Variants in MVB12B observed in about 807,000 individuals in gnomAD.
The protein encoded by MVB12B is multivesicular body subunit 12B, also known as ESCRT-I complex subunit MVB12B.
MVB12B carries 16 observed loss-of-function variants against 41.6 expected under a neutral mutation model. That is an observed-to-expected ratio of 0.38 (90% CI 0.26 to 0.58). The LOEUF (loss-of-function observed/expected upper bound fraction) is 0.58, where lower values mean the gene tolerates loss of function less well. Among genes scored for constraint, MVB12B ranks in the 20% least tolerant of loss-of-function variants. The pLI, the probability that MVB12B is intolerant of heterozygous loss-of-function variation, is 0.62. For synonymous variants in MVB12B, 133 were observed against 139.7 expected (o/e 0.95, Z 0.34); for missense variants, 274 against 380.2 (o/e 0.72, Z 2.32).
At chr9:126,370,353 C>T (rs1588114673) in intron 2 of MVB12B, among the ~76,000 whole-genome samples, 1 of 145,210 alleles carries the variant, frequency 6.9e-6, no homozygotes, top group Non-Finnish European at 1.5e-5. Flanking sequence ...TGGGTGATGT[C>T]TTTTTCTTAT....
chr9:126,332,428 A>G (rs1418891393), intron 1 of MVB12B, among the ~76,000 whole-genome samples: 2 of 152,180 alleles, frequency 1.3e-5, no homozygotes, highest in East Asian at 3.9e-4. Context: ...TGCTTCTACA[A>G]GCTCTCCGGG....
At chr9:126,464,913 G>A (rs12352000) in intron 7 of MVB12B, among the ~76,000 whole-genome samples, 31,937 of 152,120 alleles carry the variant, frequency 0.21, 4,026 homozygotes, top group Non-Finnish European at 0.28. Context: ...GTTTATACGA[G>A]AACACCTGTT....
intron 7 of MVB12B, among the ~76,000 whole-genome samples, chr9:126,423,762 A>G (rs1369739028): frequency 6.6e-6 from 1 of 152,194 alleles, no homozygotes. Context: ...CCGCCCACCC[A>G]CTGGCAGCCT....
At chr9:126,399,942 C>T (rs1426603576) in intron 6 of MVB12B, among the ~76,000 whole-genome samples, 2 of 152,168 alleles carry the variant, frequency 1.3e-5, no homozygotes, top group Non-Finnish European at 2.9e-5. Flanking sequence ...AGAGGGCCCC[C>T]GAGGTTCAAA....
At chr9:126,402,228 T>C (rs1484960512) in intron 6 of MVB12B, among the ~76,000 whole-genome samples, 1 of 152,206 alleles carries the variant, frequency 6.6e-6, no homozygotes, top group Admixed American at 6.5e-5. Context: ...TGACTCTTTT[T>C]GTCCCCTAGT....
At chr9:126,358,210 T>G (rs558043642) in intron 2 of MVB12B, among the ~76,000 whole-genome samples, 1 of 152,198 alleles carries the variant, frequency 6.6e-6, no homozygotes, top group Admixed American at 6.5e-5. Context: ...ACTCTTTGAT[T>G]ACTGTAGCTT....
At chr9:126,409,883 T>A (rs1831578892) in intron 6 of MVB12B, among the ~76,000 whole-genome samples, 2 of 152,244 alleles carry the variant, frequency 1.3e-5, no homozygotes, top group Non-Finnish European at 2.9e-5. Flanking sequence ...GGCTTCCCAT[T>A]GCCTGGAATG....
chr9:126,350,476 C>T lies in MVB12B; in HGVS notation c.204+9846C>T, dbSNP rs144684403. ...TTTTATAGTTTTACATTAACACTTA[C>T]GTCTGTGATCCATTTTTTCCTTAAT... On this transcript the variant is annotated intron_variant, in intron 2 of 9. Transcript: ENST00000361171. Among the ~76,000 whole-genome samples the T allele has an allele frequency of 7.9e-5, 12 of 152,312 alleles. 1 individual carries two copies. In the South Asian group the frequency reaches 1.4e-3, roughly 18 times the overall value.
At chr9:126,493,667 AG>A (rs1310477265) in intron 9 of MVB12B, among the ~76,000 whole-genome samples, 3 of 152,244 alleles carry the variant, frequency 2.0e-5, no homozygotes, top group Non-Finnish European at 4.4e-5. Flanking sequence ...TCCAGAAACA[AG>A]GGATGCCTCT....
At chr9:126,409,631 G>A (rs999485925) in intron 6 of MVB12B, among the ~76,000 whole-genome samples, 2 of 152,066 alleles carry the variant, frequency 1.3e-5, no homozygotes, top group East Asian at 1.9e-4. Flanking sequence ...CGTGGCTCCC[G>A]CCTGCTGCAG....
intron 2 of MVB12B, among the ~76,000 whole-genome samples, chr9:126,348,822 A>G (rs79056302): frequency 6.6e-6 from 1 of 152,334 alleles, no homozygotes; most frequent in African/African-American, 2.4e-5. Context: ...ACCCCCCACC[A>G]ATGGTAAAGT....
chr9:126,472,651 T>G (rs957444934), intron 7 of MVB12B, among the ~76,000 whole-genome samples: 3 of 152,054 alleles, frequency 2.0e-5, no homozygotes, highest in African/African-American at 7.2e-5. Context: ...TGTTTTCTGG[T>G]TTTTTTCTTT....
At chr9:126,339,464 C>T (rs766773196) in intron 1 of MVB12B, among the ~76,000 whole-genome samples, 1 of 152,130 alleles carries the variant, frequency 6.6e-6, no homozygotes, top group African/African-American at 2.4e-5. Context: ...ATGGTGTTGC[C>T]TCTTTTATTT....
At chr9:126,364,779 T>C (rs1830119315) in intron 2 of MVB12B, among the ~76,000 whole-genome samples, 1 of 152,158 alleles carries the variant, frequency 6.6e-6, no homozygotes, top group Non-Finnish European at 1.5e-5. Context: ...TGAGATGGAG[T>C]CTTGCTCTGT....
intron 2 of MVB12B, among the ~76,000 whole-genome samples, chr9:126,341,835 AC>A (rs980755886): frequency 2.0e-5 from 3 of 151,888 alleles, no homozygotes; most frequent in African/African-American, 7.2e-5. Context: ...GGGCAGAATC[AC>A]CCCCCATTGA....
intron 2 of MVB12B, among the ~76,000 whole-genome samples, chr9:126,351,376 C>T (rs1252655669): frequency 6.6e-6 from 1 of 150,680 alleles, no homozygotes; most frequent in Non-Finnish European, 1.5e-5. Flanking sequence ...ATTTCTTTTT[C>T]TTGCCTTATT....
At chr9:126,399,766 C>A (rs1831217298) in intron 6 of MVB12B, among the ~76,000 whole-genome samples, 1 of 152,166 alleles carries the variant, frequency 6.6e-6, no homozygotes, top group African/African-American at 2.4e-5. Context: ...CAGCAAGCAG[C>A]AGAACCATGG....
In MVB12B at chr9:126,392,262, A is replaced by G; in HGVS notation, c.539+67A>G. 1.3e-6 allele frequency: 2 copies of G among 1,584,808 alleles called. No homozygotes were observed. Among genetic ancestry groups the G allele is most frequent in the Non-Finnish European group, 1.7e-6 (2 of 1,157,330 alleles). On this transcript the variant is annotated intron_variant, in intron 5 of 9. Transcript: ENST00000361171. The surrounding 1 kb of genome is among the most constrained non-coding windows in gnomAD (Gnocchi z 4.8). ...GAGAGCACTCAGGCCACTCCAGGCAATGAGGTCCAAGAGATTTCCATGCAG... is the reference window on the plus strand; with the variant it reads ...GAGAGCACTCAGGCCACTCCAGGCAGTGAGGTCCAAGAGATTTCCATGCAG...
intron 6 of MVB12B, chr9:126,396,006 C>T: frequency 8.8e-7 from 1 of 1,133,240 alleles, no homozygotes; most frequent in South Asian, 2.8e-5. Flanking sequence ...TGCTGTATAG[C>T]CATGGGGTTG....
Sources: gnomAD v4.1 joint callset for allele counts (sites outside exome capture counted in the v4.1 genomes callset) on GRCh38, gnomAD v4.1.1 for gene constraint, Gnocchi (gnomAD v3.1) non-coding constraint, MANE v1.5 for transcripts, NCBI Gene and HGNC (gene_info 2026-07-23, HGNC 2026-07-21) for gene names.